Variants in EID1 observed in about 807,000 individuals in gnomAD.
EID1 encodes the protein EP300 interacting inhibitor of differentiation 1.
EID1 carries 3 observed loss-of-function variants against 13.7 expected under a neutral mutation model. The ratio of observed to expected loss-of-function variants is 0.22; its 90% CI spans 0.10 to 0.57. The LOEUF (loss-of-function observed/expected upper bound fraction) is 0.57. Among genes scored for constraint, EID1 ranks in the 20% least tolerant of loss-of-function variants. The pLI, the probability that EID1 is intolerant of heterozygous loss-of-function variation, is 0.92. For synonymous variants in EID1, 105 were observed against 97.6 expected (o/e 1.08, Z -0.44); for missense variants, 261 against 247.6 (o/e 1.05, Z -0.36).
At position 48,880,102 on chromosome 15, in the gene EID1, TATC is replaced by T. The variant is rs1899911883; in HGVS notation, c.*1365_*1367del. ...GCAAAATAAGTGTATCAGCAGGTTT[TATC>T]ATGATCAGTAAAAATGTTCCAAATG... On this transcript the variant is annotated 3_prime_UTR_variant, in exon 1 of 1. Coordinates refer to ENST00000530028, the MANE Select transcript of EID1 (RefSeq NM_014335.3). 1 of 167,140 alleles carries T rather than the reference TATC, an allele frequency of 6.0e-6. No homozygotes were observed. Among genetic ancestry groups the T allele is most frequent in the African/African-American group, 2.4e-5 (1 of 41,468 alleles). The allele number at this position is 167,140 out of a possible 1,614,324, so 10.4% of individuals were successfully genotyped here. A position where few individuals can be genotyped will look rare whatever the true frequency, so the allele number is the denominator to read the frequency against.
In EID1 at chr15:48,880,105, C is replaced by T. The variant is rs1228071011; in HGVS notation, c.*1365C>T. On this transcript the variant is annotated 3_prime_UTR_variant, in exon 1 of 1. Coordinates refer to ENST00000530028, the MANE Select transcript of EID1 (RefSeq NM_014335.3). ...AAATAAGTGTATCAGCAGGTTTTATCATGATCAGTAAAAATGTTCCAAATG... is the reference window on the plus strand; with the variant it reads ...AAATAAGTGTATCAGCAGGTTTTATTATGATCAGTAAAAATGTTCCAAATG... 6.0e-6 allele frequency: 1 copy of T among 167,020 alleles called. No individual in the cohort carries two copies. Among genetic ancestry groups the T allele is most frequent in the African/African-American group, 2.4e-5 (1 of 41,420 alleles). The allele number at this position is 167,020 out of a possible 1,614,324, so 10.3% of individuals were successfully genotyped here. A position where few individuals can be genotyped will look rare whatever the true frequency, so the allele number is the denominator to read the frequency against.
In EID1 at chr15:48,879,331, C is replaced by G. The variant is rs896918898; in HGVS notation, c.*591C>G. ...TGCTTTGTATCTTAAGATGTGTTTC[C>G]AAGAGCATCTGAAATTTTGTTTGTA... is the stretch of plus-strand genomic sequence containing the variant. On this transcript the variant is annotated 3_prime_UTR_variant, in exon 1 of 1. Coordinates refer to ENST00000530028, the MANE Select transcript of EID1 (RefSeq NM_014335.3). 1 of 167,050 alleles carries G rather than the reference C, an allele frequency of 6.0e-6. No individual in the cohort carries two copies. The highest frequency in any genetic ancestry group is 2.4e-5 in the African/African-American group (1 of 41,430). The allele number at this position is 167,050 out of a possible 1,614,324, so 10.3% of individuals were successfully genotyped here. A position where few individuals can be genotyped will look rare whatever the true frequency, so the allele number is the denominator to read the frequency against.
Position 48,878,502 on chromosome 15 carries a change from A to G in EID1, c.326A>G (p.Tyr109Cys). Residue 109 changes from tyrosine (Y) to cysteine (C), a missense_variant, in exon 1 of 1, where the codon TAC becomes TGC. Tyr to Cys is a radical substitution (Grantham distance 194). Coordinates refer to ENST00000530028, the MANE Select transcript of EID1 (RefSeq NM_014335.3). The stretch of plus-strand genomic sequence containing the variant: ...GAATTTGATGACTGGGAGGACGACT[A>G]CGACTATCCCGAAGAGGAGCAGCTC... ...GEEFDDWEDDYDYPEEEQLSG... is the reference protein window; with the variant it reads ...GEEFDDWEDDCDYPEEEQLSG... 4 of 1,614,070 alleles carry G rather than the reference A, an allele frequency of 2.5e-6. No individual in the cohort carries two copies. Among genetic ancestry groups the G allele is most frequent in the Non-Finnish European group, 3.4e-6 (4 of 1,179,902 alleles).
In EID1 at chr15:48,878,513, G is replaced by A. The variant is rs556390836; in HGVS notation, c.337G>A (p.Glu113Lys). The change falls in exon 1 of 1, where the codon GAA becomes AAA. Residue 113 changes from glutamate (E) to lysine (K), a missense_variant. Transcript: ENST00000530028. Reference protein sequence around the residue: ...DDWEDDYDYPEEEQLSGAGYR... With the variant: ...DDWEDDYDYPKEEQLSGAGYR... ...CTGGGAGGACGACTACGACTATCCC[G>A]AAGAGGAGCAGCTCAGTGGTGCCGG... 1.9e-6 allele frequency: 3 copies of A among 1,614,078 alleles called. No individual in the cohort carries two copies. The highest frequency in any genetic ancestry group is 2.7e-5 in the African/African-American group (2 of 75,072).
In EID1 at chr15:48,880,088, GT is replaced by G. The variant is rs775457715; in HGVS notation, c.*1349del. 1.8e-5 allele frequency: 3 copies of G among 167,094 alleles called. No homozygotes were observed. Among genetic ancestry groups the G allele is most frequent in the African/African-American group, 4.8e-5 (2 of 41,458 alleles). 10.4% of individuals were successfully genotyped at this position (167,094 alleles called of 1,614,324 possible). On this transcript the variant is annotated 3_prime_UTR_variant, in exon 1 of 1. Transcript: ENST00000530028. Reference sequence around the variant, plus strand: ...GAAGGCTAGGTTCAGCAAAATAAGTGTATCAGCAGGTTTTATCATGATCAGT... The same window carrying G: ...GAAGGCTAGGTTCAGCAAAATAAGTGATCAGCAGGTTTTATCATGATCAGT...
chr15:48,878,280 G>C lies in EID1; in HGVS notation c.104G>C (p.Ser35Thr), dbSNP rs1172719478. 1.2e-6 allele frequency: 2 copies of C among 1,613,672 alleles called. No individual in the cohort carries two copies. ...GACCTTCCGCAGATGGAGGTAGGCA[G>C]CGGGAGCCGGGAGCTATCCCTGCGT... ...EGDLPQMEVG[S>T]GSRELSLRPS... The change falls in exon 1 of 1, where the codon AGC becomes ACC. Residue 35 changes from serine (S) to threonine (T), a missense_variant. Transcript: ENST00000530028.
chr15:48,879,777 G>C lies in EID1; in HGVS notation c.*1037G>C, dbSNP rs1156735364. The C allele has an allele frequency of 6.0e-6, 1 of 166,996 alleles. No homozygotes were observed. Among genetic ancestry groups the C allele is most frequent in the African/African-American group, 2.4e-5 (1 of 41,418 alleles). 10.3% of individuals were successfully genotyped at this position (166,996 alleles called of 1,614,324 possible). A position where few individuals can be genotyped will look rare whatever the true frequency, so the allele number is the denominator to read the frequency against. On this transcript the variant is annotated 3_prime_UTR_variant, in exon 1 of 1. Transcript: ENST00000530028. Reference sequence around the variant, plus strand: ...TTGTTATTTGTCATGCACCAGCATTGGAGATAATAAAATTTCTTGTTCTGT... The same window carrying C: ...TTGTTATTTGTCATGCACCAGCATTCGAGATAATAAAATTTCTTGTTCTGT...
In EID1 at chr15:48,880,012, G is replaced by A. The variant is rs749185820; in HGVS notation, c.*1272G>A. The A allele has an allele frequency of 6.0e-5, 10 of 167,164 alleles. No individual in the cohort carries two copies. Among genetic ancestry groups the A allele is most frequent in the South Asian group, 2.1e-4 (1 of 4,828 alleles). 10.4% of individuals were successfully genotyped at this position (167,164 alleles called of 1,614,324 possible). ...CTGCCCTATCAATGAGTATGTTGCC[G>A]TGGTTACCTTACTAAGATGCTGAAG... On this transcript the variant is annotated 3_prime_UTR_variant, in exon 1 of 1. Coordinates refer to ENST00000530028, the MANE Select transcript of EID1 (RefSeq NM_014335.3).
At position 48,878,520 on chromosome 15, in the gene EID1, AGCAGCT is replaced by A; in HGVS notation, c.345_350del (p.Glu115_Leu117delinsAsp). On this transcript the variant is annotated inframe_deletion, in exon 1 of 1. Transcript: ENST00000530028. ...GACGACTACGACTATCCCGAAGAGG[AGCAGCT>A]CAGTGGTGCCGGCTACAGAGTATCA... The A allele has an allele frequency of 6.2e-7, 1 of 1,614,088 alleles. No individual in the cohort carries two copies. Among genetic ancestry groups the A allele is most frequent in the Non-Finnish European group, 8.5e-7 (1 of 1,179,906 alleles).
In EID1 at chr15:48,878,730, A is replaced by ATAGAGAGTAGT. The variant is rs779304238; in HGVS notation, c.559_*5dup. On this transcript the variant is annotated stop_gained and frameshift_variant, in exon 1 of 1. Coordinates refer to ENST00000530028, the MANE Select transcript of EID1 (RefSeq NM_014335.3). LOFTEE classifies it high-confidence loss of function. ...GAACTCGGCTGTGATGAGATTATTG[A>ATAGAGAGTAGT]TAGAGAGTAGTTAGATGCTGTTAAA... The ATAGAGAGTAGT allele has an allele frequency of 1.9e-6, 3 of 1,612,608 alleles. No homozygotes were observed. The South Asian group carries it at 3.3e-5, about 18-fold the overall frequency.
At position 48,878,473 on chromosome 15, in the gene EID1, C is replaced by A. The variant is rs564257429; in HGVS notation, c.297C>A (p.Gly99=). ...CAGACTTCGAGAGCGAGGACGAGGG[C>A]GAGGAATTTGATGACTGGGAGGACG... ...AGADFESEDE[G]EEFDDWEDDY... is the part of the protein sequence containing the mutation. Residue 99 remains glycine, a synonymous_variant, in exon 1 of 1, where the codon GGC becomes GGA. Transcript: ENST00000530028. 53 of 1,613,764 alleles carry A rather than the reference C, an allele frequency of 3.3e-5. No individual in the cohort carries two copies. In the African/African-American group the frequency reaches 6.8e-4, roughly 21 times the overall value.
In EID1 at chr15:48,878,789, T is replaced by A. The variant is rs771051717; in HGVS notation, c.*49T>A. The A allele has an allele frequency of 6.6e-7, 1 of 1,523,312 alleles. No individual in the cohort carries two copies. Among genetic ancestry groups the A allele is most frequent in the Non-Finnish European group, 8.9e-7 (1 of 1,121,658 alleles). 94.4% of individuals were successfully genotyped at this position (1,523,312 alleles called of 1,614,324 possible). A position where few individuals can be genotyped will look rare whatever the true frequency, so the allele number is the denominator to read the frequency against. On this transcript the variant is annotated 3_prime_UTR_variant, in exon 1 of 1. Coordinates refer to ENST00000530028, the MANE Select transcript of EID1 (RefSeq NM_014335.3). ...AAACTACTTGAGGAGGGACCCAACT[T>A]TCCGCTATCTTTTGGGTTCATTCCA...
chr15:48,878,216 A>G lies in EID1; in HGVS notation c.40A>G (p.Ser14Gly). 1 of 1,598,864 alleles carries G rather than the reference A, an allele frequency of 6.3e-7. No individual in the cohort carries two copies. The highest frequency in any genetic ancestry group is 2.2e-5 in the East Asian group (1 of 44,762). ...TGAGTTGTCCGAGCTGTATGAAGAG[A>G]GCAGTGACCTGCAGATGGATGTGAT... is the stretch of plus-strand genomic sequence containing the variant. Reference protein sequence around the residue: ...MAELSELYEESSDLQMDVMPG... With the variant: ...MAELSELYEEGSDLQMDVMPG... The change falls in exon 1 of 1, where the codon AGC becomes GGC. Residue 14 changes from serine to glycine, a missense_variant. Coordinates refer to ENST00000530028, the MANE Select transcript of EID1 (RefSeq NM_014335.3).
Position 48,878,568 on chromosome 15 carries a change from C to T in EID1, c.392C>T (p.Ala131Val), listed in dbSNP as rs865905112. Residue 131 changes from alanine to valine, a missense_variant, in exon 1 of 1, where the codon GCC becomes GTC. Ala to Val is a moderately conservative substitution (Grantham distance 64). Coordinates refer to ENST00000530028, the MANE Select transcript of EID1 (RefSeq NM_014335.3). ...GYRVSAALEEADKMFLRTREP... is the reference protein window; with the variant it reads ...GYRVSAALEEVDKMFLRTREP... ...AGAGTATCAGCCGCTCTTGAAGAAG[C>T]CGACAAGATGTTTCTGAGAACAAGA... 1.2e-6 allele frequency: 2 copies of T among 1,613,920 alleles called. No individual in the cohort carries two copies. Among genetic ancestry groups the T allele is most frequent in the Non-Finnish European group, 1.7e-6 (2 of 1,179,902 alleles).
In EID1 at chr15:48,878,589, C is replaced by T; in HGVS notation, c.413C>T (p.Thr138Ile). ...GAAGCCGACAAGATGTTTCTGAGAA[C>T]AAGAGAACCAGCCCTGGATGGCGGG... ...LEEADKMFLR[T>I]REPALDGGFQ... The change falls in exon 1 of 1, where the codon ACA becomes ATA. Residue 138 changes from threonine to isoleucine, a missense_variant. Transcript: ENST00000530028. 1 of 1,614,046 alleles carries T rather than the reference C, an allele frequency of 6.2e-7. No homozygotes were observed. The highest frequency in any genetic ancestry group is 8.5e-7 in the Non-Finnish European group (1 of 1,179,900).
In EID1 at chr15:48,879,420, C is replaced by A. The variant is rs1899895749; in HGVS notation, c.*680C>A. The A allele has an allele frequency of 6.0e-6, 1 of 167,024 alleles. No homozygotes were observed. Among genetic ancestry groups the A allele is most frequent in the Non-Finnish European group, 1.5e-5 (1 of 68,104 alleles). 10.3% of individuals were successfully genotyped at this position (167,024 alleles called of 1,614,324 possible). A position where few individuals can be genotyped will look rare whatever the true frequency, so the allele number is the denominator to read the frequency against. On this transcript the variant is annotated 3_prime_UTR_variant, in exon 1 of 1. Coordinates refer to ENST00000530028, the MANE Select transcript of EID1 (RefSeq NM_014335.3). Reference sequence around the variant, plus strand: ...AAATCAAGAAAATCCATTGTCATAACCATTTTTAAAAGTCAAAAATTAAGA... The same window carrying A: ...AAATCAAGAAAATCCATTGTCATAAACATTTTTAAAAGTCAAAAATTAAGA...
Position 48,878,550 on chromosome 15 carries a change from C to T in EID1, c.374C>T (p.Ser125Leu). Residue 125 changes from serine to leucine, a missense_variant, in exon 1 of 1, where the codon TCA becomes TTA. By Grantham distance (145) the Ser-to-Leu change is moderately radical (BLOSUM62 -2). Around this residue, in one of 2 missense-constraint regions of EID1, gnomAD observed 244 missense variants for 210.8 expected, o/e 1.16. Coordinates refer to ENST00000530028, the MANE Select transcript of EID1 (RefSeq NM_014335.3). ...CTCAGTGGTGCCGGCTACAGAGTAT[C>T]AGCCGCTCTTGAAGAAGCCGACAAG... ...EQLSGAGYRVSAALEEADKMF... is the reference protein window; with the variant it reads ...EQLSGAGYRVLAALEEADKMF... 6.2e-7 allele frequency: 1 copy of T among 1,614,060 alleles called. No individual in the cohort carries two copies. The highest frequency in any genetic ancestry group is 1.1e-5 in the South Asian group (1 of 91,086).
At position 48,878,204 on chromosome 15, in the gene EID1, C is replaced by A; in HGVS notation, c.28C>A (p.Leu10Met). The change falls in exon 1 of 1, where the codon CTG becomes ATG. Residue 10 changes from leucine to methionine, a missense_variant. Physicochemically the swap from Leu to Met is conservative, Grantham distance 15. This residue lies in a region of EID1 where 244 missense variants were observed against 210.8 expected (regional missense o/e 1.16). Coordinates refer to ENST00000530028, the MANE Select transcript of EID1 (RefSeq NM_014335.3). ...GTCGGAAATGGCTGAGTTGTCCGAGCTGTATGAAGAGAGCAGTGACCTGCA... is the reference window on the plus strand; with the variant it reads ...GTCGGAAATGGCTGAGTTGTCCGAGATGTATGAAGAGAGCAGTGACCTGCA... MSEMAELSE[L>M]YEESSDLQMD... The A allele has an allele frequency of 6.3e-7, 1 of 1,574,950 alleles. No individual in the cohort carries two copies. The highest frequency in any genetic ancestry group is 8.6e-7 in the Non-Finnish European group (1 of 1,156,848).
rs1595742455 is a variant in EID1 at position 48,878,316 on chromosome 15, G to A, written c.140G>A (p.Ser47Asn). 1.9e-6 allele frequency: 3 copies of A among 1,613,704 alleles called. No homozygotes were observed. The highest frequency in any genetic ancestry group is 2.5e-6 in the Non-Finnish European group (3 of 1,179,676). ...GAGCTATCCCTGCGTCCCTCCCGCA[G>A]CGGGGCCCAACAGCTCGAGGAGGAA... ...SRELSLRPSR[S>N]GAQQLEEEGP... is the part of the protein sequence containing the mutation. The change falls in exon 1 of 1, where the codon AGC (serine) becomes AAC (asparagine). Residue 47 changes from serine to asparagine, a missense_variant. Ser to Asn is a conservative substitution (Grantham distance 46). Coordinates refer to ENST00000530028, the MANE Select transcript of EID1 (RefSeq NM_014335.3).
Sources: allele counts gnomAD v4.1 joint callset, GRCh38; gene constraint gnomAD v4.1.1; regional missense constraint gnomAD v4.1.1; transcripts MANE v1.5; gene names NCBI Gene and HGNC (gene_info 2026-07-23, HGNC 2026-07-21).